The following MCF2L variants were observed in gnomAD, a reference collection of about 807,000 sequenced individuals.
MCF2L encodes the protein guanine nucleotide exchange factor DBS.
MCF2L carries 97 observed loss-of-function variants against 153.4 expected under a neutral mutation model. The observed-to-expected ratio is 0.63, with a 90% CI of 0.54 to 0.75. The LOEUF (loss-of-function observed/expected upper bound fraction) is 0.75, where lower values mean the gene tolerates loss of function less well. Among genes scored for constraint, MCF2L ranks in the 30% least tolerant of loss-of-function variants. MCF2L has a pLI of 0.00. For synonymous variants in MCF2L, 659 were observed against 632.2 expected, an observed-to-expected ratio of 1.04 and a Z score of -0.64; for missense variants, 1,347 against 1,495.2, an observed-to-expected ratio of 0.90 and a Z score of 1.64.
At chr13:113,051,098 T>G (rs1010783301) in intron 4 of MCF2L, among the ~76,000 whole-genome samples, 1 of 152,004 alleles carries the variant, frequency 6.6e-6, no homozygotes, top group Non-Finnish European at 1.5e-5. Context: ...AGCAAGCACC[T>G]GCCCAGGTGA....
chr13:113,090,926 T>C, intron 26 of MCF2L: 3 of 1,193,192 alleles, frequency 2.5e-6, no homozygotes, highest in Non-Finnish European at 3.2e-6. Context: ...TCCCATGCCC[T>C]CCCGGCCCCT....
chr13:113,033,247 C>CGTGACGTGAGTGGCCCCT (rs1566772659), intron 3 of MCF2L, among the ~76,000 whole-genome samples: 3 of 27,950 alleles, frequency 1.1e-4, no homozygotes, highest in African/African-American at 1.2e-4. Context: ...GAGTGGCCCC[C>CGTGACGTGAGTGGCCCCT]GTGACATTAG....
At chr13:112,918,277 T>A in intron 2 of MCF2L, among the ~76,000 whole-genome samples, 1 of 152,168 alleles carries the variant, frequency 6.6e-6, no homozygotes, top group East Asian at 1.9e-4. Flanking sequence ...GGAGAACTGT[T>A]ACTACCCTAA....
intron 5 of MCF2L, among the ~76,000 whole-genome samples, chr13:113,062,361 C>T (rs1463253850): frequency 3.3e-5 from 5 of 152,126 alleles, no homozygotes; most frequent in Admixed American, 6.5e-5. Flanking sequence ...TGCAGCTCAG[C>T]GCCCCGCAGA....
intron 2 of MCF2L, among the ~76,000 whole-genome samples, chr13:112,949,685 A>C (rs771572277): frequency 4.6e-5 from 7 of 151,584 alleles, no homozygotes; most frequent in Admixed American, 6.6e-5. Flanking sequence ...ACACACATTC[A>C]TGATTAAAAA....
chr13:112,912,851 T>A (rs968784413), intron 2 of MCF2L, among the ~76,000 whole-genome samples: 5 of 151,508 alleles, frequency 3.3e-5, no homozygotes, highest in Non-Finnish European at 7.4e-5. Flanking sequence ...CTGTAGTGTA[T>A]CTGTGTCTGT....
At chr13:112,946,420 G>A (rs993876913) in intron 2 of MCF2L, among the ~76,000 whole-genome samples, 4 of 152,070 alleles carry the variant, frequency 2.6e-5, no homozygotes, top group African/African-American at 9.7e-5. Context: ...AACCTATATT[G>A]AAGTACATGC....
At chr13:112,999,808 C>T (rs910340112) in intron 1 of MCF2L, among the ~76,000 whole-genome samples, 2 of 152,368 alleles carry the variant, frequency 1.3e-5, no homozygotes, top group South Asian at 4.1e-4. Context: ...TGTGCCCCTG[C>T]CGCCTGATAA....
At chr13:113,016,733 G>T (rs2084544109) in intron 2 of MCF2L, among the ~76,000 whole-genome samples, 1 of 152,188 alleles carries the variant, frequency 6.6e-6, no homozygotes, top group Non-Finnish European at 1.5e-5. Context: ...TCTCCATGCA[G>T]CGAATTTCTT....
chr13:113,096,681 C>G (rs754217455), intron 29 of MCF2L, 28 bp downstream of exon 29: 21 of 1,562,632 alleles, frequency 1.3e-5, no homozygotes, highest in Non-Finnish European at 8.6e-6. Flanking sequence ...CGAGCCCACC[C>G]GTGACGCTGC....
intron 4 of MCF2L, among the ~76,000 whole-genome samples, chr13:113,055,749 T>C (rs2087721607): frequency 1.3e-5 from 2 of 152,192 alleles, no homozygotes; most frequent in Admixed American, 6.5e-5. Context: ...TCCCTGCTTG[T>C]AATTCAGCCT....
At chr13:112,909,371 G>C in intron 2 of MCF2L, 1 of 770,480 alleles carries the variant, frequency 1.3e-6, no homozygotes, top group African/African-American at 1.7e-5. Flanking sequence ...CCCAGCATGG[G>C]TTGAAGCCAG....
Position 112,943,751 on chromosome 13 carries a change from C to A in MCF2L, c.169+41380C>A, listed in dbSNP as rs1324671762. Among the ~76,000 whole-genome samples, 1 of 152,028 alleles carries A rather than the reference C, an allele frequency of 6.6e-6. No individual in the cohort carries two copies. Among genetic ancestry groups the A allele is most frequent in the Admixed American group, 6.5e-5 (1 of 15,282 alleles). ...CAGCCTGCGGTGGCTCGGCTCGGGC[C>A]GGCGGAGATCTGGGAGCATTTTCTG... On this transcript the variant is annotated intron_variant, in intron 2 of 29. Coordinates refer to the MCF2L transcript ENST00000375608. This position sits in a 1 kb window ranked among gnomAD's most constrained non-coding sequence, Gnocchi z 4.2.
rs1351051068 is a variant in MCF2L at position 113,028,781 on chromosome 13, G to A, written c.278+4023G>A. On this transcript the variant is annotated intron_variant, in intron 3 of 29. Coordinates refer to ENST00000535094, the MANE Select transcript of MCF2L (RefSeq NM_001112732.3). This position sits in a 1 kb window ranked among gnomAD's most constrained non-coding sequence, Gnocchi z 5.4. ...CTGTTTCCCCCACCAGACTCAGTGT[G>A]GGTGTCTGAGTGTGTGGTGTGAGTG... 6.6e-6 allele frequency among the ~76,000 whole-genome samples: 1 copy of A among 152,168 alleles called. No individual in the cohort carries two copies. The highest frequency in any genetic ancestry group is 2.1e-4 in the South Asian group (1 of 4,828).
intron 4 of MCF2L, among the ~76,000 whole-genome samples, chr13:113,057,262 G>A: frequency 6.7e-6 from 1 of 149,190 alleles, no homozygotes; most frequent in African/African-American, 2.5e-5. Flanking sequence ...CTGTGTGTTT[G>A]GGTGCTGAGT....
chr13:112,982,916 G>C (rs531298103), intron 1 of MCF2L, among the ~76,000 whole-genome samples: 1 of 152,128 alleles, frequency 6.6e-6, no homozygotes, highest in Admixed American at 6.5e-5. Context: ...AGGGGGTGTC[G>C]GTGGAAGAAC....
At chr13:113,039,523 C>T (rs949050045) in intron 3 of MCF2L, among the ~76,000 whole-genome samples, 1 of 152,106 alleles carries the variant, frequency 6.6e-6, no homozygotes, top group South Asian at 2.1e-4. Flanking sequence ...ATGAAGAGAT[C>T]GACACGGAAA....
At chr13:112,964,069 T>C (rs1442702901) in intron 2 of MCF2L, among the ~76,000 whole-genome samples, 1 of 143,844 alleles carries the variant, frequency 7.0e-6, no homozygotes, top group East Asian at 2.3e-4. Flanking sequence ...GGAGACGGCG[T>C]CCACTTGCAG....
chr13:113,091,410 A>G lies in MCF2L; in HGVS notation c.2953+1682A>G, dbSNP rs148580887. Among the ~76,000 whole-genome samples, 299 of 152,310 alleles carry G rather than the reference A, an allele frequency of 2.0e-3. 2 individuals carry two copies. Among genetic ancestry groups the G allele is most frequent in the Non-Finnish European group, 5.3e-4 (36 of 68,016 alleles). ...TCAGCCAACTCCTCACAGCAGGTCT[A>G]TCTGGAGCCTGCGGAACTGCCCACC... On this transcript the variant is annotated intron_variant, in intron 26 of 29. Coordinates refer to ENST00000535094, the MANE Select transcript of MCF2L (RefSeq NM_001112732.3).
Sources: gnomAD v4.1 joint callset for allele counts (sites outside exome capture counted in the v4.1 genomes callset) on GRCh38, gnomAD v4.1.1 for gene constraint, Gnocchi (gnomAD v3.1) non-coding constraint, MANE v1.5 for transcripts, NCBI Gene and HGNC (gene_info 2026-07-23, HGNC 2026-07-21) for gene names.